LRCH1: variants seen among roughly 807,000 people sequenced by gnomAD.
LRCH1 encodes leucine-rich repeat and calponin homology domain-containing protein 1.
A neutral mutation model predicts 94.9 loss-of-function variants in LRCH1; 23 were observed. The observed-to-expected ratio is 0.24, with a 90% confidence interval of 0.17 to 0.34. The LOEUF is 0.34. Ranked by LOEUF, LRCH1 falls within the 10% of genes least tolerant of loss-of-function variation. The probability of loss-of-function intolerance (pLI) is 1.00; values close to 1 mark genes in which losing one functional copy is unlikely to be tolerated. For synonymous variants in LRCH1, 364 were observed against 354.9 expected (o/e 1.03, Z -0.29); for missense variants, 790 against 945.9 (o/e 0.84, Z 2.16).
chr13:46,745,064 C>T (rs561417332), downstream of LRCH1, among the ~76,000 whole-genome samples: 6 of 152,208 alleles, frequency 3.9e-5, no homozygotes, highest in Admixed American at 3.9e-4. Flanking sequence ...ATGGCCTGGT[C>T]CTCAAAAAGC....
At chr13:46,701,326 ACAAAGAAAAGT>A (rs1384649375) in intron 11 of LRCH1, 119 bp downstream of exon 11, 8 of 634,100 alleles carry the variant, frequency 1.3e-5, no homozygotes, top group Non-Finnish European at 2.2e-5. Context: ...CCAGCTACTA[ACAAAGAAAAGT>A]CATGTTTATT....
chr13:46,750,863 A>G (rs1168007293), exon 19 of LRCH1: 4 of 412,390 alleles, frequency 9.7e-6, no homozygotes, highest in Non-Finnish European at 1.7e-5. Flanking sequence ...TCTTGAAACC[A>G]GAGAGGGAGC....
At chr13:46,656,581 T>C (rs867981786) in intron 2 of LRCH1, among the ~76,000 whole-genome samples, 13 of 152,356 alleles carry the variant, frequency 8.5e-5, no homozygotes, top group African/African-American at 2.4e-4. Context: ...TGAACTGAAC[T>C]GGAGTTTGAA....
At chr13:46,555,172 T>G (rs1264373574) in intron 1 of LRCH1, among the ~76,000 whole-genome samples, 1 of 152,180 alleles carries the variant, frequency 6.6e-6, no homozygotes, top group Admixed American at 6.5e-5. Context: ...CTGGGGAGTG[T>G]CTTTCAATAA....
At chr13:46,655,792 C>T (rs1358639651) in intron 2 of LRCH1, among the ~76,000 whole-genome samples, 2 of 152,200 alleles carry the variant, frequency 1.3e-5, no homozygotes, top group Admixed American at 1.3e-4. Context: ...CTCATTTCAG[C>T]GTTAGCGGCT....
At chr13:46,565,870 T>A (rs1295362552) in intron 1 of LRCH1, among the ~76,000 whole-genome samples, 1 of 149,086 alleles carries the variant, frequency 6.7e-6, no homozygotes, top group East Asian at 2.0e-4. Flanking sequence ...TAATTTCTAC[T>A]GGGACAGAGG....
chr13:46,601,375 A>G (rs1036909668), intron 1 of LRCH1, among the ~76,000 whole-genome samples: 4 of 152,224 alleles, frequency 2.6e-5, no homozygotes, highest in Admixed American at 2.0e-4. Context: ...TTGTGTGTAA[A>G]AACTTATGTT....
At chr13:46,751,063 C>T (rs1382703680) in exon 19 of LRCH1, 1 of 153,080 alleles carries the variant, frequency 6.5e-6, no homozygotes, top group Non-Finnish European at 1.5e-5. Flanking sequence ...TTTTCACCAC[C>T]AAATTTTTCG....
At chr13:46,565,829 A>G (rs1194834736) in intron 1 of LRCH1, among the ~76,000 whole-genome samples, 1 of 148,216 alleles carries the variant, frequency 6.7e-6, no homozygotes, top group Non-Finnish European at 1.5e-5. Context: ...AATAATAATA[A>G]TAATAATAAT....
intron 17 of LRCH1, among the ~76,000 whole-genome samples, chr13:46,727,926 T>TTC (rs372536698): frequency 0.5 from 74,029 of 149,390 alleles, 21,178 homozygotes; most frequent in Non-Finnish European, 0.64. Flanking sequence ...TCTTTCTTTT[T>TTC]TTTTTTTTGA....
intron 3 of LRCH1, among the ~76,000 whole-genome samples, chr13:46,677,353 T>C (rs1053294933): frequency 4.0e-5 from 6 of 151,500 alleles, no homozygotes; most frequent in African/African-American, 1.5e-4. Context: ...CGCTTGAACC[T>C]GGGCGGCAGA....
intron 17 of LRCH1, among the ~76,000 whole-genome samples, chr13:46,727,177 T>G (rs1442835539): frequency 6.6e-6 from 1 of 151,890 alleles, no homozygotes; most frequent in African/African-American, 2.4e-5. Context: ...GGCAAAGAAA[T>G]AGAAGACACG....
intron 1 of LRCH1, among the ~76,000 whole-genome samples, chr13:46,614,544 CTT>C (rs1209898000): frequency 6.6e-6 from 1 of 152,152 alleles, no homozygotes; most frequent in African/African-American, 2.4e-5. Flanking sequence ...GTTAAGGAAA[CTT>C]TTTTTAAAAA....
chr13:46,657,490 CTTTTCTTTTCTTTTTTTTTT>C (rs2051386335), intron 2 of LRCH1, among the ~76,000 whole-genome samples: 1 of 19,258 alleles, frequency 5.2e-5, no homozygotes, highest in African/African-American at 1.8e-4. Flanking sequence ...TTTACTTTTT[CTTTTCTTTTCTTTTTTTTTT>C]TTTTTTTTTT....
At chr13:46,696,272 A>T (rs1871183497) in intron 9 of LRCH1, among the ~76,000 whole-genome samples, 1 of 151,980 alleles carries the variant, frequency 6.6e-6, no homozygotes, top group Non-Finnish European at 1.5e-5. Context: ...CTAAAGTGCA[A>T]ATCTAATGAC....
At position 46,691,980 on chromosome 13, in the gene LRCH1, G is replaced by A. The variant is rs188598417; in HGVS notation, c.1015-556G>A. ...TGGGATTACAGGTGTGAGCCACCAC[G>A]CCTGGCTGATGCCATGTACTTTCAA... On this transcript the variant is annotated intron_variant, in intron 7 of 19. Coordinates refer to ENST00000389797, the MANE Select transcript of LRCH1 (RefSeq NM_001164211.2). Among the ~76,000 whole-genome samples the A allele has an allele frequency of 2.8e-3, 419 of 152,224 alleles. 3 individuals carry two copies. Among genetic ancestry groups the A allele is most frequent in the Non-Finnish European group, 4.5e-3 (305 of 68,000 alleles).
intron 13 of LRCH1, among the ~76,000 whole-genome samples, chr13:46,706,332 TA>T (rs1211653910): frequency 6.6e-6 from 1 of 152,232 alleles, no homozygotes; most frequent in Non-Finnish European, 1.5e-5. Context: ...AAATGTCACA[TA>T]ATATAGGGTA....
At chr13:46,589,900 ATT>A (rs113727855) in intron 1 of LRCH1, among the ~76,000 whole-genome samples, 33 of 134,254 alleles carry the variant, frequency 2.5e-4, no homozygotes, top group African/African-American at 2.2e-4. Context: ...TGTGCCTGGG[ATT>A]TTTTTTTTTT....
At chr13:46,672,042 G>C (rs2051607527) in intron 3 of LRCH1, among the ~76,000 whole-genome samples, 1 of 152,158 alleles carries the variant, frequency 6.6e-6, no homozygotes, top group Non-Finnish European at 1.5e-5. Flanking sequence ...AATCCTCTGT[G>C]TCATCCCTCC....
Sources: gnomAD v4.1 joint callset for allele counts (sites outside exome capture counted in the v4.1 genomes callset) on GRCh38, gnomAD v4.1.1 for gene constraint, MANE v1.5 for transcripts, NCBI Gene and HGNC (gene_info 2026-07-23, HGNC 2026-07-21) for gene names.